ZNF385D: variants seen among roughly 807,000 people sequenced by gnomAD.
ZNF385D encodes zinc finger protein 385D, also known as zinc finger protein 659.
ZNF385D carries 15 observed loss-of-function variants against 35.8 expected under a neutral mutation model. The observed-to-expected ratio is 0.42, with a 90% CI of 0.28 to 0.64. The LOEUF (loss-of-function observed/expected upper bound fraction) is 0.64, where lower values mean the gene tolerates loss of function less well. Ranked by LOEUF, ZNF385D falls within the 30% of genes least tolerant of loss-of-function variation. ZNF385D has a pLI of 0.23. For synonymous variants in ZNF385D, 212 were observed against 186.8 expected, an observed-to-expected ratio of 1.13 and a Z score of -1.10; for missense variants, 474 against 494.6, an observed-to-expected ratio of 0.96 and a Z score of 0.39.
intron 2 of ZNF385D, among the ~76,000 whole-genome samples, chr3:22,290,823 T>C (rs1445733014): frequency 6.6e-6 from 1 of 152,160 alleles, no homozygotes. Context: ...TAGCCTCGTA[T>C]TCCATGTTGC....
chr3:22,238,388 T>C (rs934670095), intron 2 of ZNF385D, among the ~76,000 whole-genome samples: 3 of 151,196 alleles, frequency 2.0e-5, no homozygotes, highest in African/African-American at 7.3e-5. Context: ...TTTGAATCTG[T>C]AGATCAGTTT....
intron 3 of ZNF385D, among the ~76,000 whole-genome samples, chr3:22,146,021 G>T (rs917689574): frequency 5.3e-5 from 8 of 152,186 alleles, no homozygotes; most frequent in African/African-American, 2.4e-5. Context: ...GAGTGAAACA[G>T]TATCTGCTGG....
chr3:21,643,876 A>G (rs2065676961), intron 2 of ZNF385D, among the ~76,000 whole-genome samples: 1 of 152,162 alleles, frequency 6.6e-6, no homozygotes. Context: ...TCTATTGTAC[A>G]GTGCTGGTTT....
At position 21,596,142 on chromosome 3, in the gene ZNF385D, G is replaced by A. The variant is rs116188584; in HGVS notation, c.166-31458C>T. Among the ~76,000 whole-genome samples, 869 of 152,238 alleles carry A rather than the reference G, an allele frequency of 5.7e-3. 11 individuals carry two copies. The highest frequency in any genetic ancestry group is 0.02 in the African/African-American group (839 of 41,530). ...TGTGTTTTAACTAAAAGAAAAAGAT[G>A]ATACAGGAAAGAAAGTTATCCAAAG... On this transcript the variant is annotated intron_variant, in intron 2 of 7. Coordinates refer to ENST00000281523, the MANE Select transcript of ZNF385D (RefSeq NM_024697.3).
At chr3:21,694,165 T>G (rs559377297) in intron 1 of ZNF385D, among the ~76,000 whole-genome samples, 5 of 150,532 alleles carry the variant, frequency 3.3e-5, no homozygotes, top group Admixed American at 6.6e-5. Context: ...TGCCTCAGCC[T>G]CCCGAGTAGC....
intron 2 of ZNF385D, among the ~76,000 whole-genome samples, chr3:22,239,096 C>G (rs965960472): frequency 1.3e-5 from 2 of 150,856 alleles, no homozygotes; most frequent in African/African-American, 2.5e-5. Flanking sequence ...AATTCCAAAG[C>G]CTTAACTCAC....
intron 3 of ZNF385D, among the ~76,000 whole-genome samples, chr3:22,147,032 C>G (rs941092569): frequency 2.6e-5 from 4 of 152,284 alleles, no homozygotes; most frequent in Middle Eastern, 3.4e-3. Context: ...GTTAGCAAAT[C>G]TGACATTGTA....
At chr3:22,014,248 G>A (rs959675276) in intron 3 of ZNF385D, among the ~76,000 whole-genome samples, 1 of 152,042 alleles carries the variant, frequency 6.6e-6, no homozygotes, top group African/African-American at 2.4e-5. Context: ...AAATGCAGTA[G>A]AAGTAAGAAA....
intron 4 of ZNF385D, among the ~76,000 whole-genome samples, chr3:21,481,674 G>A (rs928318806): frequency 4.8e-4 from 73 of 152,162 alleles, no homozygotes; most frequent in African/African-American, 1.7e-3. Context: ...GATTACAGGT[G>A]ACAGCCACCA....
At chr3:22,078,012 T>A (rs368393934) in intron 3 of ZNF385D, among the ~76,000 whole-genome samples, 14 of 152,074 alleles carry the variant, frequency 9.2e-5, no homozygotes, top group Middle Eastern at 3.4e-3. Context: ...ATAAAGATCA[T>A]GTATTTTTAT....
chr3:22,284,692 C>T (rs1435408339), intron 2 of ZNF385D, among the ~76,000 whole-genome samples: 2 of 152,092 alleles, frequency 1.3e-5, no homozygotes, highest in African/African-American at 4.8e-5. Context: ...ACTAACCACA[C>T]TATCCAAACA....
chr3:22,149,122 C>A (rs1000981745), intron 3 of ZNF385D, among the ~76,000 whole-genome samples: 2 of 152,104 alleles, frequency 1.3e-5, no homozygotes, highest in African/African-American at 4.8e-5. Context: ...TCATACGCAA[C>A]CCCGGACCTG....
intron 3 of ZNF385D, among the ~76,000 whole-genome samples, chr3:21,532,012 G>A (rs1263451783): frequency 2.0e-5 from 3 of 152,118 alleles, no homozygotes; most frequent in Non-Finnish European, 4.4e-5. Flanking sequence ...GGAAATCTCT[G>A]TACCTTCTGC....
chr3:22,174,171 G>A (rs1454204984), intron 2 of ZNF385D, among the ~76,000 whole-genome samples: 1 of 152,116 alleles, frequency 6.6e-6, no homozygotes, highest in Non-Finnish European at 1.5e-5. Context: ...ATGTAAAATA[G>A]TGTATTTTAG....
chr3:21,843,166 A>G (rs1695784586), intron 3 of ZNF385D, among the ~76,000 whole-genome samples: 1 of 152,004 alleles, frequency 6.6e-6, no homozygotes, highest in Non-Finnish European at 1.5e-5. Context: ...GAACAGGACA[A>G]TCATTGTGTG....
intron 3 of ZNF385D, among the ~76,000 whole-genome samples, chr3:22,111,667 C>T (rs1196355091): frequency 1.3e-5 from 2 of 152,230 alleles, no homozygotes; most frequent in East Asian, 1.9e-4. Context: ...GTTAGACTTA[C>T]GCTGTCTTCG....
chr3:22,119,345 A>T (rs9844529), intron 3 of ZNF385D, among the ~76,000 whole-genome samples: 1 of 152,180 alleles, frequency 6.6e-6, no homozygotes, highest in Non-Finnish European at 1.5e-5. Flanking sequence ...CTGTAAAATC[A>T]TATCTTCTTG....
chr3:21,750,256 C>T (rs2069997987), intron 1 of ZNF385D, among the ~76,000 whole-genome samples: 1 of 152,236 alleles, frequency 6.6e-6, no homozygotes, highest in South Asian at 2.1e-4. Flanking sequence ...GGCAGCTCAA[C>T]TGAAAACCTA....
chr3:21,740,920 G>A (rs1387586298), intron 1 of ZNF385D, among the ~76,000 whole-genome samples: 1 of 152,208 alleles, frequency 6.6e-6, no homozygotes, highest in Non-Finnish European at 1.5e-5. Context: ...ACTGGACCGG[G>A]ATAGCGCTTT....
Sources: gnomAD v4.1 joint callset for allele counts (sites outside exome capture counted in the v4.1 genomes callset) on GRCh38, gnomAD v4.1.1 for gene constraint, MANE v1.5 for transcripts, NCBI Gene and HGNC (gene_info 2026-07-23, HGNC 2026-07-21) for gene names.